Variants in ALDH6A1 observed in about 807,000 individuals in gnomAD.
ALDH6A1 encodes the protein aldehyde dehydrogenase 6 family member A1.
Under a neutral mutation model 62.6 loss-of-function variants are expected in ALDH6A1, and 43 were observed. The observed-to-expected ratio is 0.69, with a 90% CI of 0.54 to 0.89. The LOEUF is 0.89. Among genes scored for constraint, ALDH6A1 ranks in the 40% least tolerant of loss-of-function variants. The probability of loss-of-function intolerance (pLI) is 0.00; values close to 1 mark genes in which losing one functional copy is unlikely to be tolerated. For missense variants in ALDH6A1, 551 were observed against 661.3 expected, an observed-to-expected ratio of 0.83 and a Z score of 1.83; for synonymous variants, 194 against 234.2, an observed-to-expected ratio of 0.83 and a Z score of 1.57.
chr14:74,060,889 T>C, intron 11 of ALDH6A1, 143 bp from the exon 12 acceptor site: 2 of 673,292 alleles, frequency 3.0e-6, no homozygotes, highest in South Asian at 1.7e-5. Context: ...ATATTGTTCC[T>C]AAGATAATTG....
At position 74,074,958 on chromosome 14, in the gene ALDH6A1, TGAA is replaced by T. The variant is rs779856155; in HGVS notation, c.105_107del (p.Ser36del). ...CCTCTATGCCAAATAAACTCACCAC[TGAA>T]GAAGAGAAGGAAGATGCTGAATACC... On this transcript the variant is annotated inframe_deletion, in exon 2 of 12. Transcript: ENST00000553458. 2 of 1,613,964 alleles carry T rather than the reference TGAA, an allele frequency of 1.2e-6. No homozygotes were observed. The highest frequency in any genetic ancestry group is 1.1e-5 in the South Asian group (1 of 91,070).
intron 7 of ALDH6A1, among the ~76,000 whole-genome samples, chr14:74,068,386 A>AG (rs1364626836): frequency 1.6e-5 from 2 of 127,716 alleles, no homozygotes; most frequent in Admixed American, 1.5e-4. Context: ...CTCAAAAAAA[A>AG]AGAAAAAAAG....
In ALDH6A1 at chr14:74,059,595, T is replaced by A. The variant is rs1215790237; in HGVS notation, c.*1047A>T. 7.7e-6 allele frequency: 2 copies of A among 260,880 alleles called. No homozygotes were observed. Among genetic ancestry groups the A allele is most frequent in the African/African-American group, 4.6e-5 (2 of 43,370 alleles). 16.2% of individuals were successfully genotyped at this position (260,880 alleles called of 1,614,324 possible). A position where few individuals can be genotyped will look rare whatever the true frequency, so the allele number is the denominator to read the frequency against. ...CTGTAATCCCAGCTACTAGGGGGGC[T>A]GAGGCAGGAGAATCGCTTGAACCTG... is the stretch of plus-strand genomic sequence containing the variant. On this transcript the variant is annotated 3_prime_UTR_variant, in exon 12 of 12. Transcript: ENST00000553458.
intron 9 of ALDH6A1, 35 bp from the exon 10 acceptor site, chr14:74,065,395 C>G (rs969749293): frequency 1.2e-6 from 2 of 1,601,098 alleles, no homozygotes; most frequent in Admixed American, 3.4e-5. Context: ...AAGAAGTCAG[C>G]TTTTTGGATT....
chr14:74,074,552 T>C lies in ALDH6A1; in HGVS notation c.111+403A>G, dbSNP rs371446260. Among the ~76,000 whole-genome samples the C allele has an allele frequency of 8.5e-5, 13 of 152,298 alleles. 1 individual carries two copies. Among genetic ancestry groups the C allele is most frequent in the African/African-American group, 3.1e-4 (13 of 41,568 alleles). Reference sequence around the variant, plus strand: ...CACCTGCCTCAGCCTCCCAAAGTGCTGGGACACTAAATTTTTAAAGCGGTC... The same window carrying C: ...CACCTGCCTCAGCCTCCCAAAGTGCCGGGACACTAAATTTTTAAAGCGGTC... On this transcript the variant is annotated intron_variant, in intron 2 of 11. Coordinates refer to ENST00000553458, the MANE Select transcript of ALDH6A1 (RefSeq NM_005589.4).
intron 7 of ALDH6A1, 124 bp from the exon 8 acceptor site, chr14:74,067,693 T>A: frequency 9.7e-7 from 1 of 1,027,328 alleles, no homozygotes; most frequent in Non-Finnish European, 1.5e-6. Flanking sequence ...AAGGCTGAGG[T>A]GAGAAGGATA....
chr14:74,075,427 C>T (rs1209017988), intron 1 of ALDH6A1, among the ~76,000 whole-genome samples: 2 of 152,128 alleles, frequency 1.3e-5, no homozygotes, highest in Non-Finnish European at 1.5e-5. Context: ...GAAGCTGAGA[C>T]GGGTATATCA....
intron 6 of ALDH6A1, 120 bp from the exon 7 acceptor site, chr14:74,069,101 CTTTTTT>C (rs900873855): frequency 2.6e-4 from 118 of 461,768 alleles, no homozygotes; most frequent in East Asian, 1.6e-3. Context: ...TTTACTTTTT[CTTTTTT>C]TTTTTTTTTT....
At position 74,057,554 on chromosome 14, in the gene ALDH6A1, AGTGAC is replaced by A. The variant is rs1246470509; in HGVS notation, c.*3083_*3087del. 3 of 1,333,732 alleles carry A rather than the reference AGTGAC, an allele frequency of 2.2e-6. No individual in the cohort carries two copies. Among genetic ancestry groups the A allele is most frequent in the Non-Finnish European group, 2.9e-6 (3 of 1,030,848 alleles). 82.6% of individuals were successfully genotyped at this position (1,333,732 alleles called of 1,614,324 possible). A position where few individuals can be genotyped will look rare whatever the true frequency, so the allele number is the denominator to read the frequency against. On this transcript the variant is annotated 3_prime_UTR_variant, in exon 12 of 12. Coordinates refer to ENST00000553458, the MANE Select transcript of ALDH6A1 (RefSeq NM_005589.4). ...CTATCTTTTACGTAAGAGTAAACAT[AGTGAC>A]CTTGTGACTCTTAGCTTTCCATCAC...
At chr14:74,067,992 A>C (rs570902028) in intron 7 of ALDH6A1, among the ~76,000 whole-genome samples, 1 of 111,474 alleles carries the variant, frequency 9.0e-6, no homozygotes, top group Non-Finnish European at 1.8e-5. Flanking sequence ...TATGAAGAGC[A>C]ATGTTAAAAA....
At chr14:74,069,948 C>A (rs10149529) in intron 6 of ALDH6A1, among the ~76,000 whole-genome samples, 4,829 of 149,642 alleles carry the variant, frequency 0.032, 195 homozygotes, top group African/African-American at 0.097. Context: ...GTTTGCCAGG[C>A]TCAAGCTGTC....
chr14:74,065,336 C>T lies in ALDH6A1; in HGVS notation c.1249G>A (p.Glu417Lys). ...ACCACAAGAACTGGACCAAAAATCT[C>T]CTCTTTGTAACAGGTCATATTTGGC... ...VKPNMTCYKEEIFGPVLVVLE... is the reference protein window; with the variant it reads ...VKPNMTCYKEKIFGPVLVVLE... Residue 417 changes from glutamate (E) to lysine (K), a missense_variant, in exon 10 of 12, where the codon GAG becomes AAG. Transcript: ENST00000553458. The T allele has an allele frequency of 6.2e-7, 1 of 1,614,058 alleles. No individual in the cohort carries two copies. Among genetic ancestry groups the T allele is most frequent in the Non-Finnish European group, 8.5e-7 (1 of 1,179,998 alleles).
At chr14:74,071,557 G>A (rs1406584528) in intron 5 of ALDH6A1, 60 bp from the exon 6 acceptor site, 1 of 1,611,570 alleles carries the variant, frequency 6.2e-7, no homozygotes, top group Non-Finnish European at 8.5e-7. Context: ...GCTTTGTCCT[G>A]TTCTCTTCAG....
chr14:74,057,699 T>G lies in ALDH6A1; in HGVS notation c.*2943A>C. On this transcript the variant is annotated 3_prime_UTR_variant, in exon 12 of 12. Transcript: ENST00000553458. Reference sequence around the variant, plus strand: ...AGAGTTTTTAATTTATAATTTGTTATTCATAATTAGTACAATGTAGAATCT... The same window carrying G: ...AGAGTTTTTAATTTATAATTTGTTAGTCATAATTAGTACAATGTAGAATCT... 7.9e-7 allele frequency: 1 copy of G among 1,261,172 alleles called. No homozygotes were observed. Among genetic ancestry groups the G allele is most frequent in the Non-Finnish European group, 1.0e-6 (1 of 983,196 alleles). 78.1% of individuals were successfully genotyped at this position (1,261,172 alleles called of 1,614,324 possible).
chr14:74,072,690 C>T (rs1595127034), intron 2 of ALDH6A1, 79 bp from the exon 3 acceptor site: 1 of 1,500,702 alleles, frequency 6.7e-7, no homozygotes. Context: ...TTTCCCTTTC[C>T]CTTGCACCAA....
chr14:74,080,368 CTTTT>C (rs35450547), intron 1 of ALDH6A1, among the ~76,000 whole-genome samples: 2 of 128,988 alleles, frequency 1.6e-5, no homozygotes. Flanking sequence ...TAAACTCTTT[CTTTT>C]TTTTTTTTTT....
rs77324906 is a variant in ALDH6A1, at chr14:74,060,148, T to A, written c.*494A>T. 0.069 allele frequency: 10,827 copies of A among 157,454 alleles called. 576 individuals carry two copies. The highest frequency in any genetic ancestry group is 0.25 in the South Asian group (1,350 of 5,366). 9.8% of individuals were successfully genotyped at this position (157,454 alleles called of 1,614,324 possible). ...TTATTGGAACATCTTCTTTAAAAAA[T>A]TTTTTTTCCCTTTTCTTTTTTTACT... On this transcript the variant is annotated 3_prime_UTR_variant, in exon 12 of 12. Transcript: ENST00000553458.
At chr14:74,070,400 T>A (rs967801809) in intron 6 of ALDH6A1, among the ~76,000 whole-genome samples, 1 of 151,922 alleles carries the variant, frequency 6.6e-6, no homozygotes, top group South Asian at 2.1e-4. Flanking sequence ...ATGCCTGTAA[T>A]CCCAGCTATT....
intron 1 of ALDH6A1, among the ~76,000 whole-genome samples, chr14:74,077,539 A>C (rs1476926615): frequency 6.6e-6 from 1 of 152,170 alleles, no homozygotes; most frequent in Non-Finnish European, 1.5e-5. Context: ...ACCTGTGTGA[A>C]GAGGCAAAAC....
Sources: gnomAD v4.1 joint callset for allele counts (sites outside exome capture counted in the v4.1 genomes callset) on GRCh38, gnomAD v4.1.1 for gene constraint, MANE v1.5 for transcripts, NCBI Gene and HGNC (gene_info 2026-07-23, HGNC 2026-07-21) for gene names.